The following F9 variants were observed in gnomAD, a reference collection of about 807,000 sequenced individuals.
F9 encodes coagulation factor IX.
In F9, 2 loss-of-function variants were observed where a neutral mutation model predicts 34.1. The ratio of observed to expected loss-of-function variants is 0.06; its 90% confidence interval spans 0.02 to 0.18. The LOEUF is 0.18. Ranked by LOEUF, F9 falls within the 10% of genes least tolerant of loss-of-function variation. The probability of loss-of-function intolerance (pLI) is 1.00; values close to 1 mark genes in which losing one functional copy is unlikely to be tolerated. For synonymous variants in F9, 137 were observed against 118.8 expected (o/e 1.15, Z -1.00); for missense variants, 216 against 345.1 (o/e 0.63, Z 2.96).
rs192159069 is a variant in F9 at position 139,548,211 on chromosome X, T to G, written c.392-152T>G. The G allele has an allele frequency of 2.0e-4, 103 of 520,923 alleles. No homozygotes were observed. The East Asian group carries it at 3.2e-3, about 16-fold the overall frequency. The allele number at this position is 520,923 out of a possible 1,213,427, so 42.9% of individuals were successfully genotyped here. A position where few individuals can be genotyped will look rare whatever the true frequency, so the allele number is the denominator to read the frequency against. Reference sequence around the variant, plus strand: ...TTTTACCTTTCTTTCCACTCTTATTTCAAGGCTCCAAAATTTCTCTCCCCA... The same window carrying G: ...TTTTACCTTTCTTTCCACTCTTATTGCAAGGCTCCAAAATTTCTCTCCCCA... On this transcript the variant is annotated intron_variant, in intron 4 of 7. Transcript: ENST00000218099.
chrX:139,536,240 T>C (rs1416201943), intron 1 of F9, among the ~76,000 whole-genome samples: 2 of 72,446 alleles, frequency 2.8e-5, no homozygotes, highest in African/African-American at 7.9e-5. Flanking sequence ...CACATATATG[T>C]ATATATATGT....
intron 6 of F9, among the ~76,000 whole-genome samples, chrX:139,559,057 T>C (rs942969265): frequency 8.9e-6 from 1 of 112,209 alleles, no homozygotes; most frequent in Non-Finnish European, 1.9e-5. Context: ...TAAATAAATA[T>C]ATTAATATCA....
intron 6 of F9, among the ~76,000 whole-genome samples, chrX:139,558,196 C>G (rs748002501): frequency 7.0e-5 from 8 of 113,889 alleles, no homozygotes. Flanking sequence ...TGTGGCATCT[C>G]TGGACCAAGA....
rs2148368257 is a variant in F9 at position 139,561,987 on chromosome X, G to A, written c.1302G>A (p.Glu434=). 4 of 1,211,285 alleles carry A rather than the reference G, an allele frequency of 3.3e-6. No homozygotes were observed. The highest frequency in any genetic ancestry group is 1.8e-5 in the South Asian group (1 of 56,926). Reference sequence around the variant, plus strand: ...CTGGAATTATTAGCTGGGGTGAAGAGTGTGCAATGAAAGGCAAATATGGAA... The same window carrying A: ...CTGGAATTATTAGCTGGGGTGAAGAATGTGCAATGAAAGGCAAATATGGAA... The part of the protein sequence containing the change: ...FLTGIISWGE[E]CAMKGKYGIY... Residue 434 remains glutamate (E), a synonymous_variant, in exon 8 of 8, where the codon GAG becomes GAA. Coordinates refer to ENST00000218099, the MANE Select transcript of F9 (RefSeq NM_000133.4).
chrX:139,538,729 A>T (rs3134805), intron 3 of F9, among the ~76,000 whole-genome samples: 9,447 of 110,650 alleles, frequency 0.085, 1,029 homozygotes, highest in African/African-American at 0.3. Context: ...GAATCACATG[A>T]TTTATTTCTA....
intron 5 of F9, among the ~76,000 whole-genome samples, chrX:139,549,783 A>T (rs1334165601): frequency 8.9e-6 from 1 of 112,240 alleles, no homozygotes; most frequent in Non-Finnish European, 1.9e-5. Flanking sequence ...GATTTTGTTT[A>T]TGGCCAGTTT....
chrX:139,533,659 C>G (rs756371715), intron 1 of F9, among the ~76,000 whole-genome samples: 41 of 111,719 alleles, frequency 3.7e-4, no homozygotes, highest in Admixed American at 4.8e-4. Flanking sequence ...AGTACAGTGC[C>G]TGGCAGTAGT....
chrX:139,546,118 T>C (rs968943692), intron 4 of F9, among the ~76,000 whole-genome samples: 7 of 111,140 alleles, frequency 6.3e-5, no homozygotes, highest in African/African-American at 2.3e-4. Flanking sequence ...GTTGTTTCCT[T>C]CTTTGTGTTT....
intron 1 of F9, among the ~76,000 whole-genome samples, chrX:139,535,024 G>A (rs1224404708): frequency 1.8e-5 from 2 of 111,399 alleles, no homozygotes; most frequent in African/African-American, 3.3e-5. Flanking sequence ...CATTGCAAAC[G>A]AGTGAAGGAA....
intron 5 of F9, among the ~76,000 whole-genome samples, chrX:139,549,617 G>T (rs1029714065): frequency 8.9e-6 from 1 of 112,544 alleles, no homozygotes; most frequent in Non-Finnish European, 1.9e-5. Context: ...TGTCCTTAAG[G>T]CACAAATCAC....
At chrX:139,545,386 G>A (rs3117453) in intron 4 of F9, among the ~76,000 whole-genome samples, 1,639 of 111,527 alleles carry the variant, frequency 0.015, 30 homozygotes, top group African/African-American at 0.05. Context: ...CCTGTTATTG[G>A]TATTGCATAG....
Position 139,537,099 on chromosome X carries a change from C to T in F9, c.178C>T (p.Leu60Phe). 3.3e-6 allele frequency: 4 copies of T among 1,210,564 alleles called. No homozygotes were observed. The highest frequency in any genetic ancestry group is 4.5e-6 in the Non-Finnish European group (4 of 894,682). The change falls in exon 2 of 8, where the codon CTT (leucine) becomes TTT (phenylalanine). Residue 60 changes from leucine to phenylalanine, a missense_variant. Physicochemically the swap from Leu to Phe is conservative, Grantham distance 22 (BLOSUM62 0). Coordinates refer to ENST00000218099, the MANE Select transcript of F9 (RefSeq NM_000133.4). Reference protein sequence around the residue: ...GKLEEFVQGNLERECMEEKCS... With the variant: ...GKLEEFVQGNFERECMEEKCS... ...ATTGGAAGAGTTTGTTCAAGGGAAC[C>T]TTGAGAGAGAATGTATGGAAGAAAA...
intron 1 of F9, among the ~76,000 whole-genome samples, chrX:139,535,953 C>T (rs888979765): frequency 2.7e-5 from 3 of 109,944 alleles, no homozygotes; most frequent in African/African-American, 9.9e-5. Context: ...ACCTGTACAG[C>T]ATGTGACTGT....
In F9 at chrX:139,562,370, CAACT is replaced by C. The variant is rs957952557; in HGVS notation, c.*304_*307del. 11 of 290,156 alleles carry C rather than the reference CAACT, an allele frequency of 3.8e-5. No individual in the cohort carries two copies. The highest frequency in any genetic ancestry group is 3.0e-4 in the African/African-American group (11 of 36,827). The allele number at this position is 290,156 out of a possible 1,213,427, so 23.9% of individuals were successfully genotyped here. A position where few individuals can be genotyped will look rare whatever the true frequency, so the allele number is the denominator to read the frequency against. On this transcript the variant is annotated 3_prime_UTR_variant, in exon 8 of 8. Coordinates refer to ENST00000218099, the MANE Select transcript of F9 (RefSeq NM_000133.4). ...CAGATACTATGGTTCTCCACTATGG[CAACT>C]AACTCACTCAATTTTCCCTCCTTAG... is the stretch of plus-strand genomic sequence containing the variant.
intron 4 of F9, among the ~76,000 whole-genome samples, chrX:139,543,644 A>G (rs1927654044): frequency 8.9e-6 from 1 of 112,422 alleles, no homozygotes; most frequent in African/African-American, 3.2e-5. Flanking sequence ...AAGTGGATAT[A>G]TCAGGAAATA....
At chrX:139,531,577 G>A (rs1355271024) in intron 1 of F9, among the ~76,000 whole-genome samples, 2 of 112,467 alleles carry the variant, frequency 1.8e-5, no homozygotes, top group Non-Finnish European at 3.7e-5. Flanking sequence ...TAGGAAGTTA[G>A]CTAATGCAAC....
In F9 at chrX:139,537,056, G is replaced by A; in HGVS notation, c.135G>A (p.Lys45=). 8.3e-7 allele frequency: 1 copy of A among 1,210,162 alleles called. No individual in the cohort carries two copies. The highest frequency in any genetic ancestry group is 1.1e-6 in the Non-Finnish European group (1 of 894,306). The change falls in exon 2 of 8, where the codon AAG becomes AAA. Residue 45 remains lysine (K), a synonymous_variant. Transcript: ENST00000218099. ...ENANKILNRP[K]RYNSGKLEEF... Reference sequence around the variant, plus strand: ...CCAACAAAATTCTGAATCGGCCAAAGAGGTATAATTCAGGTAAATTGGAAG... The same window carrying A: ...CCAACAAAATTCTGAATCGGCCAAAAAGGTATAATTCAGGTAAATTGGAAG...
chrX:139,561,430 T>A (rs1928099046), intron 7 of F9, 94 bp from the exon 8 acceptor site: 1 of 761,923 alleles, frequency 1.3e-6, no homozygotes, highest in African/African-American at 2.1e-5. Context: ...ATCTTTAACA[T>A]TGCCAATTAG....
At chrX:139,548,280 C>A (rs578066636) in intron 4 of F9, 83 bp from the exon 5 acceptor site, 1 of 1,046,070 alleles carries the variant, frequency 9.6e-7, no homozygotes, top group Admixed American at 2.2e-5. Context: ...GTATATTTGA[C>A]CCATACATGA....
Sources: allele counts gnomAD v4.1 joint callset (sites outside exome capture counted in the v4.1 genomes callset), GRCh38; gene constraint gnomAD v4.1.1; transcripts MANE v1.5; gene names NCBI Gene and HGNC (gene_info 2026-07-23, HGNC 2026-07-21).